Variants in COL14A1 observed in about 807,000 individuals in gnomAD.
COL14A1 encodes collagen type XIV alpha 1 chain.
Under a neutral mutation model 230.3 loss-of-function variants are expected in COL14A1, and 136 were observed. The observed-to-expected ratio is 0.59, with a 90% CI of 0.51 to 0.68. The LOEUF (loss-of-function observed/expected upper bound fraction) is 0.68, where lower values mean the gene tolerates loss of function less well. Among genes scored for constraint, COL14A1 ranks in the 30% least tolerant of loss-of-function variants. COL14A1 has a pLI of 0.00. For missense variants in COL14A1, 1,976 were observed against 2,215.8 expected (o/e 0.89, Z 2.17); for synonymous variants, 792 against 784.1 (o/e 1.01, Z -0.17).
At chr8:120,319,968 C>T (rs940981253) in intron 40 of COL14A1, among the ~76,000 whole-genome samples, 4 of 152,188 alleles carry the variant, frequency 2.6e-5, no homozygotes, top group Non-Finnish European at 5.9e-5. Context: ...TCACTGCTGT[C>T]ATCTCCTTCC....
chr8:120,308,942 A>G (rs1563730254), intron 36 of COL14A1, among the ~76,000 whole-genome samples: 1 of 152,060 alleles, frequency 6.6e-6, no homozygotes, highest in Non-Finnish European at 1.5e-5. Context: ...GAATCTAGCT[A>G]AATTTTTTTT....
intron 45 of COL14A1, among the ~76,000 whole-genome samples, chr8:120,361,106 G>C (rs930699350): frequency 6.6e-6 from 1 of 151,938 alleles, no homozygotes; most frequent in Non-Finnish European, 1.5e-5. Flanking sequence ...GGTAATAGTG[G>C]CTCCATGTTC....
intron 31 of COL14A1, 109 bp from the exon 32 acceptor site, chr8:120,283,527 T>C (rs1350080373): frequency 8.4e-7 from 1 of 1,193,010 alleles, no homozygotes; most frequent in Admixed American, 2.5e-5. Context: ...ATGGTGGTCT[T>C]TTCTGTTTTT....
intron 42 of COL14A1, among the ~76,000 whole-genome samples, chr8:120,338,010 C>T (rs1363035988): frequency 6.6e-6 from 1 of 152,274 alleles, no homozygotes; most frequent in African/African-American, 2.4e-5. Flanking sequence ...TCCCTACATA[C>T]CAAAAGGTGC....
chr8:120,246,255 C>T lies in COL14A1; in HGVS notation c.2480-1358C>T, dbSNP rs145505384. Among the ~76,000 whole-genome samples the T allele has an allele frequency of 6.6e-5, 10 of 152,244 alleles. No individual in the cohort carries two copies. In the East Asian group the frequency reaches 1.9e-3, roughly 29 times the overall value. ...TATGCCGTGTGCCTCCACCCAGACTCCCACCAAGCCTGCACATTTTGCTAA... is the reference window on the plus strand; with the variant it reads ...TATGCCGTGTGCCTCCACCCAGACTTCCACCAAGCCTGCACATTTTGCTAA... On this transcript the variant is annotated intron_variant, in intron 20 of 47. Transcript: ENST00000297848.
At chr8:120,257,501 A>C (rs747605422) in intron 23 of COL14A1, among the ~76,000 whole-genome samples, 87 of 152,204 alleles carry the variant, frequency 5.7e-4, no homozygotes, top group Admixed American at 2.6e-4. Flanking sequence ...TAACTCATAC[A>C]AATTAGATCA....
intron 1 of COL14A1, among the ~76,000 whole-genome samples, chr8:120,135,024 A>G (rs1356894246): frequency 6.6e-6 from 1 of 152,202 alleles, no homozygotes; most frequent in East Asian, 1.9e-4. Context: ...ATCCTATAGA[A>G]AAATGACCAA....
intron 1 of COL14A1, among the ~76,000 whole-genome samples, chr8:120,126,108 C>T (rs773007635): frequency 1.4e-4 from 22 of 152,338 alleles, no homozygotes; most frequent in Non-Finnish European, 2.5e-4. Context: ...TCACTTGCCC[C>T]CTTTTATCTC....
In COL14A1 at chr8:120,372,355, T is replaced by C. The variant is rs1812187207; in HGVS notation, c.*1124T>C. On this transcript the variant is annotated 3_prime_UTR_variant, in exon 48 of 48. Transcript: ENST00000297848. Reference sequence around the variant, plus strand: ...TGAGGAGCCCACCTATCTTCTGATATTGAGGAAAGCCTAAAAACCCCTAGA... The same window carrying C: ...TGAGGAGCCCACCTATCTTCTGATACTGAGGAAAGCCTAAAAACCCCTAGA... 6.6e-6 allele frequency among the ~76,000 whole-genome samples: 1 copy of C among 152,184 alleles called. No homozygotes were observed. The highest frequency in any genetic ancestry group is 2.4e-5 in the African/African-American group (1 of 41,450).
In COL14A1 at chr8:120,213,956, C is replaced by T. The variant is rs1469394730; in HGVS notation, c.1597+1379C>T. ...CTAGCACCTTAATTATTAAGAGATT[C>T]ACTAACTCCTACAAGATCTTTATTG... On this transcript the variant is annotated intron_variant, in intron 13 of 47. Coordinates refer to ENST00000297848, the MANE Select transcript of COL14A1 (RefSeq NM_021110.4). 2.9e-5 allele frequency: 12 copies of T among 419,818 alleles called. No individual in the cohort carries two copies. In the Admixed American group the frequency reaches 3.3e-4, roughly 12 times the overall value. The allele number at this position is 419,818 out of a possible 1,614,324, so 26.0% of individuals were successfully genotyped here.
chr8:120,336,978 G>A (rs1160520654), intron 42 of COL14A1, among the ~76,000 whole-genome samples: 12 of 152,104 alleles, frequency 7.9e-5, no homozygotes, highest in Admixed American at 7.9e-4. Context: ...ATTGATGTTT[G>A]TCTCTCCACT....
intron 5 of COL14A1, among the ~76,000 whole-genome samples, chr8:120,194,062 T>C (rs901918013): frequency 3.9e-5 from 6 of 152,336 alleles, no homozygotes; most frequent in African/African-American, 1.4e-4. Flanking sequence ...CCCACTGTCC[T>C]GTGCCCACTG....
intron 23 of COL14A1, among the ~76,000 whole-genome samples, chr8:120,259,439 A>T (rs551525349): frequency 1.3e-5 from 2 of 152,274 alleles, no homozygotes; most frequent in Admixed American, 1.3e-4. Context: ...TCCTTTTGGC[A>T]TGAGAGGTTG....
chr8:120,232,275 C>CT (rs1818297555), intron 19 of COL14A1, among the ~76,000 whole-genome samples: 1 of 151,820 alleles, frequency 6.6e-6, no homozygotes, highest in African/African-American at 2.4e-5. Context: ...ATTTATTTAT[C>CT]TTTTTTTAAT....
chr8:120,175,581 G>A (rs1476396355), intron 5 of COL14A1, among the ~76,000 whole-genome samples: 2 of 152,084 alleles, frequency 1.3e-5, no homozygotes, highest in Admixed American at 6.5e-5. Flanking sequence ...GCCCATGGGC[G>A]AAATTCAGTC....
At chr8:120,175,398 T>C (rs1285518945) in intron 5 of COL14A1, among the ~76,000 whole-genome samples, 2 of 152,174 alleles carry the variant, frequency 1.3e-5, no homozygotes, top group Non-Finnish European at 2.9e-5. Context: ...TTTCCTTCTT[T>C]TTCAGTGATT....
chr8:120,171,484 T>TGA (rs1364884638), intron 5 of COL14A1, among the ~76,000 whole-genome samples: 1 of 152,206 alleles, frequency 6.6e-6, no homozygotes, highest in Non-Finnish European at 1.5e-5. Context: ...CAGTCACTAT[T>TGA]GAGAGATTAG....
At chr8:120,210,360 T>C (rs1817583507) in intron 12 of COL14A1, among the ~76,000 whole-genome samples, 1 of 152,198 alleles carries the variant, frequency 6.6e-6, no homozygotes, top group Non-Finnish European at 1.5e-5. Context: ...TTCCTAGAAA[T>C]AGAGTTTATT....
At chr8:120,180,899 G>T (rs993162798) in intron 5 of COL14A1, among the ~76,000 whole-genome samples, 3 of 151,900 alleles carry the variant, frequency 2.0e-5, no homozygotes, top group Non-Finnish European at 4.4e-5. Context: ...GTAGAGATGG[G>T]TTTCCCCATG....
Sources: allele counts gnomAD v4.1 joint callset (sites outside exome capture counted in the v4.1 genomes callset), GRCh38; gene constraint gnomAD v4.1.1; transcripts MANE v1.5; gene names NCBI Gene and HGNC (gene_info 2026-07-23, HGNC 2026-07-21).